RPS6KA5: variants seen among roughly 807,000 people sequenced by gnomAD.
RPS6KA5 encodes the protein ribosomal protein S6 kinase alpha-5.
In RPS6KA5, 27 loss-of-function variants were observed where a neutral mutation model predicts 85.5. The ratio of observed to expected loss-of-function variants is 0.32; its 90% CI spans 0.23 to 0.44. The LOEUF is 0.44. Ranked by LOEUF, RPS6KA5 falls within the 20% of genes least tolerant of loss-of-function variation. The probability of loss-of-function intolerance (pLI) is 1.00; values close to 1 mark genes in which losing one functional copy is unlikely to be tolerated. For synonymous variants in RPS6KA5, 334 were observed against 348.2 expected, an observed-to-expected ratio of 0.96 and a Z score of 0.46; for missense variants, 811 against 980.9, an observed-to-expected ratio of 0.83 and a Z score of 2.31.
intron 2 of RPS6KA5, among the ~76,000 whole-genome samples, chr14:90,986,302 A>C (rs1222803879): frequency 6.6e-6 from 1 of 152,214 alleles, no homozygotes; most frequent in African/African-American, 2.4e-5. Context: ...AATTTCTACT[A>C]ACTGAAGAAT....
intron 3 of RPS6KA5, among the ~76,000 whole-genome samples, chr14:90,977,383 G>A (rs186345711): frequency 1.3e-5 from 2 of 152,308 alleles, no homozygotes; most frequent in Admixed American, 1.3e-4. Context: ...GAACTTTTCT[G>A]CAAAGCAGTC....
intron 1 of RPS6KA5, 133 bp from the exon 2 acceptor site, chr14:91,001,292 T>C: frequency 1.6e-6 from 1 of 610,606 alleles, no homozygotes; most frequent in East Asian, 2.8e-5. Flanking sequence ...TATAATTATT[T>C]GTTAAACAGT....
chr14:90,907,495 T>C (rs1417029674), intron 7 of RPS6KA5, among the ~76,000 whole-genome samples: 3 of 152,222 alleles, frequency 2.0e-5, no homozygotes, highest in Non-Finnish European at 4.4e-5. Context: ...GCTCAATCAA[T>C]GTGAGCTACT....
chr14:90,904,747 T>C (rs1327072548), intron 8 of RPS6KA5, among the ~76,000 whole-genome samples: 1 of 152,186 alleles, frequency 6.6e-6, no homozygotes, highest in East Asian at 1.9e-4. Flanking sequence ...CCTTTACAAG[T>C]AGAATTCTGG....
intron 5 of RPS6KA5, among the ~76,000 whole-genome samples, chr14:90,925,055 A>C (rs747651199): frequency 6.6e-6 from 1 of 152,206 alleles, no homozygotes; most frequent in Non-Finnish European, 1.5e-5. Flanking sequence ...ACTGATTTTT[A>C]AAAAGGATTA....
chr14:90,872,285 T>A lies in RPS6KA5; in HGVS notation c.2198A>T (p.Gln733Leu), dbSNP rs2033169112. ...NKYKREGFCL[Q>L]NVDKAPLAKR... is the part of the protein sequence containing the mutation. ...AGCCAAAGGGGCCTTATCAACATTC[T>A]GAAGGCAAAACCCCTCTCTCTTGTA... is the stretch of plus-strand genomic sequence containing the variant. The change falls in exon 17 of 17, where the codon CAG (glutamine) becomes CTG (leucine). Residue 733 changes from glutamine (Q) to leucine (L), a missense_variant. Gln to Leu is a moderately radical substitution (Grantham distance 113). Transcript: ENST00000614987. The A allele has an allele frequency of 1.9e-6, 3 of 1,613,680 alleles. No homozygotes were observed. Among genetic ancestry groups the A allele is most frequent in the Non-Finnish European group, 2.5e-6 (3 of 1,179,946 alleles).
Position 91,060,634 on chromosome 14 carries a change from A to G in RPS6KA5, c.-200T>C. 1 of 661,578 alleles carries G rather than the reference A, an allele frequency of 1.5e-6. No individual in the cohort carries two copies. Among genetic ancestry groups the G allele is most frequent in the Non-Finnish European group, 2.1e-6 (1 of 469,494 alleles). 41.0% of individuals were successfully genotyped at this position (661,578 alleles called of 1,614,324 possible). ...TCCTCCCCCTTCGGCGGGCACCGCT[A>G]GTACCGCGCAACCAAACCGCCCCCT... On this transcript the variant is annotated 5_prime_UTR_variant, in exon 1 of 17. Transcript: ENST00000614987.
chr14:90,876,962 A>G (rs2033521263), intron 14 of RPS6KA5, among the ~76,000 whole-genome samples: 1 of 152,224 alleles, frequency 6.6e-6, no homozygotes, highest in Non-Finnish European at 1.5e-5. Flanking sequence ...CTCTTCAGAA[A>G]AGATGGAAAC....
rs2031877320 is a variant in RPS6KA5, at chr14:90,849,406, T to C, written c.*22668A>G. The C allele has an allele frequency of 6.6e-6, 1 of 152,270 alleles. No homozygotes were observed. 9.4% of individuals were successfully genotyped at this position (152,270 alleles called of 1,614,324 possible). The stretch of plus-strand genomic sequence containing the variant: ...ATAGATCCACTTTGGTTGGTAATTC[T>C]TCTGCCTGACAGGCTGCCTTGGGCT... On this transcript the variant is annotated 3_prime_UTR_variant, in exon 17 of 17. Coordinates refer to ENST00000614987, the MANE Select transcript of RPS6KA5 (RefSeq NM_004755.4).
chr14:90,894,671 A>C (rs972001534), intron 12 of RPS6KA5, 88 bp from the exon 13 acceptor site: 2 of 1,365,462 alleles, frequency 1.5e-6, no homozygotes, highest in Non-Finnish European at 2.0e-6. Flanking sequence ...ATCTACCACC[A>C]ATACGTTTAA....
At chr14:90,921,140 G>A (rs536940751) in intron 6 of RPS6KA5, among the ~76,000 whole-genome samples, 1 of 152,256 alleles carries the variant, frequency 6.6e-6, no homozygotes, top group African/African-American at 2.4e-5. Context: ...TTAACTAGAT[G>A]TTAAAATTTC....
rs1313256994 is a variant in RPS6KA5 at position 90,856,102 on chromosome 14, CT to C, written c.*15971del. The C allele has an allele frequency of 6.6e-6, 1 of 152,238 alleles. No homozygotes were observed. The highest frequency in any genetic ancestry group is 1.5e-5 in the Non-Finnish European group (1 of 68,044). The allele number at this position is 152,238 out of a possible 1,614,324, so 9.4% of individuals were successfully genotyped here. On this transcript the variant is annotated 3_prime_UTR_variant, in exon 17 of 17. Coordinates refer to ENST00000614987, the MANE Select transcript of RPS6KA5 (RefSeq NM_004755.4). ...CAGCACTTTGACATCTGTCCGAGCA[CT>C]ACCCAATAATGGGAAAAGTATGATT...
chr14:90,900,051 T>C, intron 11 of RPS6KA5, 57 bp downstream of exon 11: 2 of 1,376,008 alleles, frequency 1.5e-6, no homozygotes, highest in Non-Finnish European at 9.7e-7. Context: ...AAATATCTTT[T>C]AATTTACAGA....
At chr14:90,999,181 C>T (rs1284418828) in intron 2 of RPS6KA5, among the ~76,000 whole-genome samples, 3 of 152,056 alleles carry the variant, frequency 2.0e-5, no homozygotes, top group Admixed American at 6.6e-5. Flanking sequence ...ACACTCCAGC[C>T]TGGGCGACAC....
intron 9 of RPS6KA5, among the ~76,000 whole-genome samples, chr14:90,901,243 T>G (rs2035151863): frequency 6.6e-6 from 1 of 152,244 alleles, no homozygotes; most frequent in East Asian, 1.9e-4. Flanking sequence ...TAGCTGGGAT[T>G]ATAGGCACAT....
chr14:90,928,739 GAA>G (rs199815422), intron 5 of RPS6KA5, among the ~76,000 whole-genome samples: 2 of 94,710 alleles, frequency 2.1e-5, no homozygotes, highest in Non-Finnish European at 4.7e-5. Context: ...CACTTAAAAT[GAA>G]AAAAAAAAAA....
chr14:90,927,440 C>A (rs1238761527), intron 5 of RPS6KA5, among the ~76,000 whole-genome samples: 1 of 151,958 alleles, frequency 6.6e-6, no homozygotes, highest in Admixed American at 6.6e-5. Context: ...TAAAATCCAG[C>A]TATATGTTAT....
chr14:90,871,531 C>T lies in RPS6KA5; in HGVS notation c.*543G>A, dbSNP rs1320975637. 2.7e-5 allele frequency: 4 copies of T among 149,346 alleles called. No homozygotes were observed. Among genetic ancestry groups the T allele is most frequent in the African/African-American group, 9.9e-5 (4 of 40,456 alleles). The allele number at this position is 149,346 out of a possible 1,614,324, so 9.3% of individuals were successfully genotyped here. On this transcript the variant is annotated 3_prime_UTR_variant, in exon 17 of 17. Coordinates refer to ENST00000614987, the MANE Select transcript of RPS6KA5 (RefSeq NM_004755.4). Reference sequence around the variant, plus strand: ...CTTTTTAGAAAAAGTTTAATAATAGCAGGTTATCATCATATGTAACCATAA... The same window carrying T: ...CTTTTTAGAAAAAGTTTAATAATAGTAGGTTATCATCATATGTAACCATAA...
chr14:90,945,462 G>A (rs147566425), intron 4 of RPS6KA5, among the ~76,000 whole-genome samples: 193 of 152,262 alleles, frequency 1.3e-3, no homozygotes, highest in African/African-American at 4.4e-3. Flanking sequence ...TACTATCTGC[G>A]TCACCTCATC....
Sources: gnomAD v4.1 joint callset for allele counts (sites outside exome capture counted in the v4.1 genomes callset) on GRCh38, gnomAD v4.1.1 for gene constraint, MANE v1.5 for transcripts, NCBI Gene and HGNC (gene_info 2026-07-23, HGNC 2026-07-21) for gene names.